Variants in NUDT3 observed in about 807,000 individuals in gnomAD.
NUDT3 encodes nudix hydrolase 3.
NUDT3 carries 9 observed loss-of-function variants against 23.6 expected under a neutral mutation model. That is an observed-to-expected ratio of 0.38 (90% CI 0.23 to 0.66). NUDT3 has a LOEUF of 0.66. Among genes scored for constraint, NUDT3 ranks in the 30% least tolerant of loss-of-function variants. The pLI, the probability that NUDT3 is intolerant of heterozygous loss-of-function variation, is 0.52. For missense variants in NUDT3, 172 were observed against 218.5 expected (o/e 0.79, Z 1.34); for synonymous variants, 86 against 82.6 (o/e 1.04, Z -0.22).
chr6:34,361,203 C>G (rs1181277587), intron 1 of NUDT3, among the ~76,000 whole-genome samples: 1 of 152,114 alleles, frequency 6.6e-6, no homozygotes, highest in African/African-American at 2.4e-5. Context: ...GCCTGGGTGA[C>G]AGAGTGAGAC....
chr6:34,313,264 A>AAAT (rs1763803306), intron 2 of NUDT3, among the ~76,000 whole-genome samples: 1 of 152,206 alleles, frequency 6.6e-6, no homozygotes, highest in Non-Finnish European at 1.5e-5. Flanking sequence ...AAAAGGCTAC[A>AAAT]TACTGTATAT....
intron 1 of NUDT3, among the ~76,000 whole-genome samples, chr6:34,356,733 T>G (rs1435354542): frequency 6.6e-6 from 1 of 152,154 alleles, no homozygotes; most frequent in East Asian, 1.9e-4. Flanking sequence ...ATTTATTTTG[T>G]GTTTTCTATA....
intron 2 of NUDT3, among the ~76,000 whole-genome samples, chr6:34,314,984 G>T (rs938584564): frequency 2.2e-4 from 34 of 152,132 alleles, no homozygotes; most frequent in Admixed American, 1.8e-3. Context: ...GCATATACAC[G>T]TATCAACCTC....
At chr6:34,297,267 C>T (rs1763515397) in intron 2 of NUDT3, among the ~76,000 whole-genome samples, 1 of 152,064 alleles carries the variant, frequency 6.6e-6, no homozygotes, top group African/African-American at 2.4e-5. Flanking sequence ...TAACTTGCTT[C>T]TCTACATTTT....
Position 34,280,110 on chromosome 6 carries a change from GAGA to G in NUDT3, c.*8640_*8642del, listed in dbSNP as rs1168588254. ...TGACTGTACTGCCAGCCGCACCCAT[GAGA>G]AGGAGGTGTGAAGGAAGCCTGAGGA... On this transcript the variant is annotated 3_prime_UTR_variant, in exon 5 of 5. Coordinates refer to ENST00000607016, the MANE Select transcript of NUDT3 (RefSeq NM_006703.4). The G allele has an allele frequency of 6.6e-6, 1 of 152,226 alleles. No individual in the cohort carries two copies. The highest frequency in any genetic ancestry group is 1.5e-5 in the Non-Finnish European group (1 of 68,072). 9.4% of individuals were successfully genotyped at this position (152,226 alleles called of 1,614,324 possible).
At chr6:34,325,348 A>AT (rs1333926857) in intron 2 of NUDT3, among the ~76,000 whole-genome samples, 2 of 152,118 alleles carry the variant, frequency 1.3e-5, no homozygotes, top group East Asian at 3.9e-4. Context: ...AGATGGAACT[A>AT]TAAGTGCAAG....
intron 1 of NUDT3, among the ~76,000 whole-genome samples, chr6:34,344,220 A>G (rs1764330317): frequency 6.6e-6 from 1 of 152,222 alleles, no homozygotes; most frequent in Non-Finnish European, 1.5e-5. Flanking sequence ...AAAAACAGGT[A>G]CTCAAACAGA....
chr6:34,328,815 T>C (rs1428498577), intron 2 of NUDT3, among the ~76,000 whole-genome samples: 1 of 152,218 alleles, frequency 6.6e-6, no homozygotes, highest in Non-Finnish European at 1.5e-5. Flanking sequence ...ATCCTTAATA[T>C]ATTATTCATA....
chr6:34,319,118 C>G (rs1385003308), intron 2 of NUDT3, among the ~76,000 whole-genome samples: 2 of 151,878 alleles, frequency 1.3e-5, no homozygotes, highest in Non-Finnish European at 2.9e-5. Context: ...TTTCTGTGCT[C>G]TCACACCAAA....
intron 2 of NUDT3, among the ~76,000 whole-genome samples, chr6:34,296,832 A>G (rs1330967594): frequency 1.3e-5 from 2 of 152,144 alleles, no homozygotes; most frequent in African/African-American, 4.8e-5. Flanking sequence ...GAACAAGAAC[A>G]TAAACATGGT....
chr6:34,378,379 T>A (rs1764960451), intron 1 of NUDT3, among the ~76,000 whole-genome samples: 1 of 152,172 alleles, frequency 6.6e-6, no homozygotes. Context: ...AAAAAACTTC[T>A]GACTCAACAT....
Position 34,283,827 on chromosome 6 carries a change from T to A in NUDT3, c.*4926A>T, listed in dbSNP as rs1763306106. 6.6e-6 allele frequency: 1 copy of A among 152,150 alleles called. No individual in the cohort carries two copies. The highest frequency in any genetic ancestry group is 2.4e-5 in the African/African-American group (1 of 41,436). 9.4% of individuals were successfully genotyped at this position (152,150 alleles called of 1,614,324 possible). A position where few individuals can be genotyped will look rare whatever the true frequency, so the allele number is the denominator to read the frequency against. ...AGGGACTGCAGCCAATGTTCCCCAA[T>A]TTACTTTTTTTTTATACCTTAAAAT... On this transcript the variant is annotated 3_prime_UTR_variant, in exon 5 of 5. Coordinates refer to ENST00000607016, the MANE Select transcript of NUDT3 (RefSeq NM_006703.4).
intron 3 of NUDT3, 116 bp from the exon 4 acceptor site, chr6:34,293,651 T>G (rs1049711538): frequency 1.6e-6 from 2 of 1,219,002 alleles, no homozygotes; most frequent in East Asian, 2.5e-5. Flanking sequence ...GATTCTAAAC[T>G]TTTACTTTTT....
chr6:34,308,015 G>A (rs537873275), intron 2 of NUDT3, among the ~76,000 whole-genome samples: 4 of 151,318 alleles, frequency 2.6e-5, no homozygotes, highest in Admixed American at 2.0e-4. Context: ...CAGCTACTCA[G>A]GAGGCTGAGG....
At chr6:34,360,885 T>TA (rs1427720014) in intron 1 of NUDT3, among the ~76,000 whole-genome samples, 1 of 151,684 alleles carries the variant, frequency 6.6e-6, no homozygotes, top group Non-Finnish European at 1.5e-5. Context: ...AAAACCCAAT[T>TA]AAAAAATGAG....
intron 2 of NUDT3, 98 bp downstream of exon 2, chr6:34,341,764 A>C: frequency 9.8e-7 from 1 of 1,021,260 alleles, no homozygotes; most frequent in East Asian, 2.6e-5. Flanking sequence ...CTGTGACTGT[A>C]TATTTATTCA....
intron 1 of NUDT3, among the ~76,000 whole-genome samples, chr6:34,361,090 G>A (rs145540914): frequency 1.3e-5 from 2 of 152,250 alleles, no homozygotes; most frequent in African/African-American, 4.8e-5. Flanking sequence ...CAGCATGGTG[G>A]TGTGCACTTG....
intron 1 of NUDT3, among the ~76,000 whole-genome samples, chr6:34,361,900 G>A (rs1303170453): frequency 6.6e-6 from 1 of 152,156 alleles, no homozygotes; most frequent in Non-Finnish European, 1.5e-5. Context: ...AGAATTTTTA[G>A]GGCAGTAAAA....
intron 2 of NUDT3, among the ~76,000 whole-genome samples, chr6:34,297,371 C>T (rs1183872705): frequency 1.3e-5 from 2 of 151,960 alleles, no homozygotes; most frequent in Non-Finnish European, 2.9e-5. Context: ...GACAAGCTGC[C>T]AGGCCAGCCT....
Sources: allele counts gnomAD v4.1 joint callset (sites outside exome capture counted in the v4.1 genomes callset), GRCh38; gene constraint gnomAD v4.1.1; transcripts MANE v1.5; gene names NCBI Gene and HGNC (gene_info 2026-07-23, HGNC 2026-07-21).